Variants in BRI3BP observed in about 807,000 individuals in gnomAD.
The protein encoded by BRI3BP is BRI3-binding protein.
Under a neutral mutation model 15.8 loss-of-function variants are expected in BRI3BP, and 7 were observed. That is an observed-to-expected ratio of 0.44 (90% CI 0.25 to 0.83). The LOEUF (loss-of-function observed/expected upper bound fraction) is 0.83, where lower values mean the gene tolerates loss of function less well. BRI3BP is among the 40% of genes least tolerant of loss of function. The pLI is 0.20. For missense variants in BRI3BP, 320 were observed against 339.3 expected (o/e 0.94, Z 0.45); for synonymous variants, 192 against 163.5 (o/e 1.17, Z -1.33).
the BRI3BP span, among the ~76,000 whole-genome samples, chr12:125,049,361 T>C: frequency 1.3e-5 from 2 of 152,208 alleles, no homozygotes; most frequent in Non-Finnish European, 2.9e-5. Flanking sequence ...GGGCTTAGCT[T>C]GGTTCCCTCC....
intron 1 of BRI3BP, among the ~76,000 whole-genome samples, chr12:125,000,646 A>G (rs531671693): frequency 1.3e-5 from 2 of 152,282 alleles, no homozygotes; most frequent in South Asian, 4.1e-4. Context: ...ATAATTTTTC[A>G]AAGTACTAAA....
At chr12:125,019,635 C>CTTTTTTTTTTT (rs1205730966) in intron 2 of BRI3BP, among the ~76,000 whole-genome samples, 3 of 33,056 alleles carry the variant, frequency 9.1e-5, no homozygotes, top group African/African-American at 1.7e-4. Flanking sequence ...TAATTCCACC[C>CTTTTTTTTTTT]TTTTTTTTTT....
intron 1 of BRI3BP, among the ~76,000 whole-genome samples, chr12:125,000,846 T>A (rs1955085048): frequency 6.6e-6 from 1 of 152,196 alleles, no homozygotes; most frequent in South Asian, 2.1e-4. Flanking sequence ...TACTTTTTCC[T>A]ACAGAACCAC....
Position 125,025,016 on chromosome 12 carries a change from C to G in BRI3BP, c.342C>G (p.Ser114Arg). 1.2e-6 allele frequency: 2 copies of G among 1,613,050 alleles called. No homozygotes were observed. Among genetic ancestry groups the G allele is most frequent in the Non-Finnish European group, 1.7e-6 (2 of 1,179,768 alleles). Residue 114 changes from serine (S) to arginine (R), a missense_variant, in exon 3 of 3, where the codon AGC becomes AGG. Physicochemically the swap from Ser to Arg is moderately radical, Grantham distance 110. Transcript: ENST00000341446. ...LDVSNLSQYF[S>R]PASVSSSPAR... The stretch of plus-strand genomic sequence containing the variant: ...TCTCCAACCTGTCCCAGTATTTCAG[C>G]CCAGCCTCGGTGTCCAGCAGCCCGG...
chr12:125,044,234 C>A, the BRI3BP span, among the ~76,000 whole-genome samples: 1 of 151,946 alleles, frequency 6.6e-6, no homozygotes, highest in Non-Finnish European at 1.5e-5. Flanking sequence ...CTCACTGCAA[C>A]CGCCAGCTCC....
Position 125,026,317 on chromosome 12 carries a change from G to C in BRI3BP, c.*887G>C, listed in dbSNP as rs1264617291. On this transcript the variant is annotated 3_prime_UTR_variant, in exon 3 of 3. Transcript: ENST00000341446. ...TATATACAAAAGCTATACCCTTGAG[G>C]GTTTTTTTTTTTTTCTTTTGATTTC... is the stretch of plus-strand genomic sequence containing the variant. 7 of 126,858 alleles carry C rather than the reference G, an allele frequency of 5.5e-5. No individual in the cohort carries two copies. Among genetic ancestry groups the C allele is most frequent in the Non-Finnish European group, 1.2e-4 (7 of 57,658 alleles). 7.9% of individuals were successfully genotyped at this position (126,858 alleles called of 1,614,324 possible). A position where few individuals can be genotyped will look rare whatever the true frequency, so the allele number is the denominator to read the frequency against.
chr12:125,043,934 A>G, the BRI3BP span, among the ~76,000 whole-genome samples: 1 of 151,492 alleles, frequency 6.6e-6, no homozygotes, highest in Non-Finnish European at 1.5e-5. Context: ...CTGAGGTGTG[A>G]GGATCCCTTG....
intron 2 of BRI3BP, among the ~76,000 whole-genome samples, chr12:125,016,743 G>T (rs1472024999): frequency 6.6e-6 from 1 of 150,760 alleles, no homozygotes. Context: ...GGCCAGGCTG[G>T]TCTTGAGCTC....
At chr12:124,995,177 C>T (rs1189556633) in intron 1 of BRI3BP, among the ~76,000 whole-genome samples, 1 of 152,148 alleles carries the variant, frequency 6.6e-6, no homozygotes, top group African/African-American at 2.4e-5. Flanking sequence ...CTCCTGTGGG[C>T]AGGGGCACCT....
At chr12:125,012,484 T>A in intron 1 of BRI3BP, 50 bp from the exon 2 acceptor site, 1 of 1,452,728 alleles carries the variant, frequency 6.9e-7, no homozygotes, top group Non-Finnish European at 9.7e-7. Flanking sequence ...ACTGCTTGAC[T>A]GATGGAGGAA....
intron 2 of BRI3BP, among the ~76,000 whole-genome samples, chr12:125,015,090 A>G (rs956677762): frequency 3.3e-5 from 5 of 152,170 alleles, no homozygotes; most frequent in African/African-American, 1.2e-4. Context: ...TAAGAGCAGG[A>G]GGGCTGTGGG....
rs1955034222 is a variant in BRI3BP at position 124,995,600 on chromosome 12, TA to T, written c.213+1600del. On this transcript the variant is annotated intron_variant, in intron 1 of 2. Coordinates refer to ENST00000341446, the MANE Select transcript of BRI3BP (RefSeq NM_080626.6). ...CTGGGGGTCAGAGCTCTTCCTGGGCTAAACCGGGGTTTGTGCCTTTAATAGA... is the reference window on the plus strand; with the variant it reads ...CTGGGGGTCAGAGCTCTTCCTGGGCTAACCGGGGTTTGTGCCTTTAATAGA... Among the ~76,000 whole-genome samples the T allele has an allele frequency of 2.0e-5, 3 of 152,350 alleles. No individual in the cohort carries two copies. The South Asian group carries it at 6.2e-4, about 32-fold the overall frequency.
At chr12:125,045,278 T>A in the BRI3BP span, among the ~76,000 whole-genome samples, 1 of 152,204 alleles carries the variant, frequency 6.6e-6, no homozygotes, top group Admixed American at 6.5e-5. Context: ...AAGAATGAAG[T>A]GATCAAACCC....
the BRI3BP span, among the ~76,000 whole-genome samples, chr12:125,043,547 A>ATT: frequency 6.8e-6 from 1 of 146,108 alleles, no homozygotes; most frequent in African/African-American, 2.5e-5. Context: ...ATCTCTGCCA[A>ATT]TTTTTTTTTT....
rs1955399707 is a variant in BRI3BP at position 125,030,683 on chromosome 12, T to C, written c.*5253T>C. 1 of 152,210 alleles carries C rather than the reference T, an allele frequency of 6.6e-6. No homozygotes were observed. The highest frequency in any genetic ancestry group is 1.9e-4 in the East Asian group (1 of 5,198). 9.4% of individuals were successfully genotyped at this position (152,210 alleles called of 1,614,324 possible). On this transcript the variant is annotated 3_prime_UTR_variant, in exon 3 of 3. Transcript: ENST00000341446. ...CAGATTTAAAGGTTTTATTGTAGTG[T>C]CCATTTAATATCTGCATGTGTGTTT... is the stretch of plus-strand genomic sequence containing the variant.
At chr12:125,023,796 G>T (rs1278114646) in intron 2 of BRI3BP, among the ~76,000 whole-genome samples, 1 of 152,178 alleles carries the variant, frequency 6.6e-6, no homozygotes, top group African/African-American at 2.4e-5. Flanking sequence ...CCGAGGCCAG[G>T]CGCAGTGGCT....
chr12:124,994,569 G>C (rs1955025189), intron 1 of BRI3BP, among the ~76,000 whole-genome samples: 1 of 152,184 alleles, frequency 6.6e-6, no homozygotes, highest in Non-Finnish European at 1.5e-5. Flanking sequence ...TACTGTGTGC[G>C]GGGCCTTTCG....
intron 2 of BRI3BP, among the ~76,000 whole-genome samples, chr12:125,022,433 G>A (rs151305094): frequency 1.3e-5 from 2 of 152,210 alleles, no homozygotes; most frequent in African/African-American, 4.8e-5. Context: ...GTGAACTGTC[G>A]CTGGGTCCTG....
chr12:125,016,824 C>CATTTTTTTTTTTT, intron 2 of BRI3BP, among the ~76,000 whole-genome samples: 1 of 91,278 alleles, frequency 1.1e-5, no homozygotes, highest in Admixed American at 1.4e-4. Context: ...CTGCGCCCAG[C>CATTTTTTTTTTTT]CTTTTTTTTT....
Sources: allele counts gnomAD v4.1 joint callset (sites outside exome capture counted in the v4.1 genomes callset), GRCh38; gene constraint gnomAD v4.1.1; transcripts MANE v1.5; gene names NCBI Gene and HGNC (gene_info 2026-07-23, HGNC 2026-07-21).